MYO9B: variants seen among roughly 807,000 people sequenced by gnomAD.
MYO9B encodes the protein myosin IXB, also known as unconventional myosin-IXb.
Under a neutral mutation model 229.5 loss-of-function variants are expected in MYO9B, and 71 were observed. The observed-to-expected ratio is 0.31, with a 90% CI of 0.26 to 0.38. The LOEUF (loss-of-function observed/expected upper bound fraction) is 0.38. MYO9B is among the 10% of genes least tolerant of loss of function. The pLI is 1.00. For missense variants in MYO9B, 2,255 were observed against 2,920.5 expected (o/e 0.77, Z 5.25); for synonymous variants, 1,185 against 1,235.8 (o/e 0.96, Z 0.86).
Position 17,201,952 on chromosome 19 carries a change from G to A in MYO9B, c.4590G>A (p.Thr1530=), listed in dbSNP as rs747589829. 1.1e-5 allele frequency: 18 copies of A among 1,612,748 alleles called. No homozygotes were observed. In the African/African-American group the frequency reaches 1.2e-4, roughly 11 times the overall value. Reference sequence around the variant, plus strand: ...TAAATGACCTCCGTTCCCAGAAGACGCCCATTGAGAGCTTGTTTATCGAAG... The same window carrying A: ...TAAATGACCTCCGTTCCCAGAAGACACCCATTGAGAGCTTGTTTATCGAAG... ...NKINDLRSQK[T]PIESLFIEAT... is the part of the protein sequence containing the mutation. The change falls in exon 27 of 40, where the codon ACG becomes ACA. Residue 1530 remains threonine, a synonymous_variant. Transcript: ENST00000682292.
intron 18 of MYO9B, 39 bp from the exon 19 acceptor site, chr19:17,187,896 T>C: frequency 6.5e-7 from 1 of 1,536,530 alleles, no homozygotes; most frequent in Non-Finnish European, 8.8e-7. Flanking sequence ...TCCTGTCAGG[T>C]CAAGGCCACC....
chr19:17,098,417 C>T (rs960825972), intron 1 of MYO9B, among the ~76,000 whole-genome samples: 1 of 152,156 alleles, frequency 6.6e-6, no homozygotes, highest in South Asian at 2.1e-4. Context: ...AGGATAATCA[C>T]TCCTGCTGTG....
At position 17,172,251 on chromosome 19, in the gene MYO9B, T is replaced by G; in HGVS notation, c.1794-85T>G. Reference sequence around the variant, plus strand: ...CCACCCCATGCACCCACCCACCTCGTGCACCAGGGGTCTGCAAGATAAAAT... The same window carrying G: ...CCACCCCATGCACCCACCCACCTCGGGCACCAGGGGTCTGCAAGATAAAAT... On this transcript the variant is annotated intron_variant, in intron 11 of 39. Transcript: ENST00000682292. This position sits in a 1 kb window ranked among gnomAD's most constrained non-coding sequence, Gnocchi z 8.2. 2 of 1,533,736 alleles carry G rather than the reference T, an allele frequency of 1.3e-6. No homozygotes were observed. The highest frequency in any genetic ancestry group is 4.6e-5 in the East Asian group (2 of 43,296).
chr19:17,165,735 G>A (rs77739920), intron 10 of MYO9B, among the ~76,000 whole-genome samples: 3,998 of 152,076 alleles, frequency 0.026, 186 homozygotes, highest in African/African-American at 0.092. Flanking sequence ...TGATCGCACC[G>A]CTGCACTCCA....
intron 1 of MYO9B, among the ~76,000 whole-genome samples, chr19:17,083,026 C>CTTTTT (rs71334657): frequency 6.2e-4 from 56 of 90,892 alleles, no homozygotes; most frequent in African/African-American, 6.6e-4. Context: ...GTGAATCTTG[C>CTTTTT]TTTTTTTTTT....
chr19:17,111,382 AAT>A (rs779933738), intron 2 of MYO9B, among the ~76,000 whole-genome samples: 11 of 152,244 alleles, frequency 7.2e-5, no homozygotes, highest in Non-Finnish European at 1.3e-4. Flanking sequence ...CTTATTTATA[AAT>A]AGATACCTTA....
In MYO9B at chr19:17,156,932, T is replaced by C; in HGVS notation, c.1223T>C (p.Ile408Thr). The C allele has an allele frequency of 6.2e-7, 1 of 1,613,800 alleles. No homozygotes were observed. Among genetic ancestry groups the C allele is most frequent in the Non-Finnish European group, 8.5e-7 (1 of 1,179,840 alleles). ...AGGATTTTTGCCGTCCTCTCGGCCATCCTGTACCTGGGCAACGTCACTTAT... is the reference window on the plus strand; with the variant it reads ...AGGATTTTTGCCGTCCTCTCGGCCACCCTGTACCTGGGCAACGTCACTTAT... ...KKQIFAVLSA[I>T]LYLGNVTYKK... is the part of the protein sequence containing the mutation. Residue 408 changes from isoleucine to threonine, a missense_variant, in exon 7 of 40, where the codon ATC (isoleucine) becomes ACC (threonine). Physicochemically the swap from Ile to Thr is moderately conservative, Grantham distance 89. This residue lies in a region of MYO9B where 220 missense variants were observed against 404.5 expected (regional missense o/e 0.54). Transcript: ENST00000682292.
intron 14 of MYO9B, among the ~76,000 whole-genome samples, chr19:17,178,861 C>T (rs186417285): frequency 4.6e-5 from 7 of 151,978 alleles, no homozygotes; most frequent in African/African-American, 1.7e-4. Flanking sequence ...TGGTGAAACC[C>T]TGTGTCTACT....
chr19:17,096,288 C>T (rs2057687706), intron 1 of MYO9B, among the ~76,000 whole-genome samples: 2 of 152,270 alleles, frequency 1.3e-5, no homozygotes, highest in South Asian at 4.1e-4. Flanking sequence ...CTTCATTTCT[C>T]CTGAGTAACT....
chr19:17,113,706 G>T (rs1040028509), intron 2 of MYO9B, among the ~76,000 whole-genome samples: 1 of 152,138 alleles, frequency 6.6e-6, no homozygotes, highest in African/African-American at 2.4e-5. Context: ...CCTCTCCTGT[G>T]TGGCCTCCCC....
intron 1 of MYO9B, among the ~76,000 whole-genome samples, chr19:17,081,953 G>A (rs1169684035): frequency 6.6e-6 from 1 of 152,042 alleles, no homozygotes; most frequent in African/African-American, 2.4e-5. Flanking sequence ...TACAAACAGG[G>A]CATGGGGCGG....
At position 17,172,683 on chromosome 19, in the gene MYO9B, G is replaced by A; in HGVS notation, c.1936-76G>A. 6.4e-7 allele frequency: 1 copy of A among 1,562,110 alleles called. No homozygotes were observed. Among genetic ancestry groups the A allele is most frequent in the Non-Finnish European group, 8.8e-7 (1 of 1,136,848 alleles). On this transcript the variant is annotated intron_variant, in intron 12 of 39. Coordinates refer to ENST00000682292, the MANE Select transcript of MYO9B (RefSeq NM_004145.4). This position sits in a 1 kb window ranked among gnomAD's most constrained non-coding sequence, Gnocchi z 8.2. ...CCCCACCCCACCGTCAGCCCTTCCT[G>A]CGCCAGCCCGGGGTCTTTGGTAGGC...
At chr19:17,163,227 G>C in intron 10 of MYO9B, 105 bp downstream of exon 10, 1 of 1,264,278 alleles carries the variant, frequency 7.9e-7, no homozygotes, top group East Asian at 2.6e-5. Flanking sequence ...GCGGCGGTAA[G>C]TACATTCACA....
At chr19:17,087,097 G>A (rs796681201) in intron 1 of MYO9B, among the ~76,000 whole-genome samples, 17 of 152,278 alleles carry the variant, frequency 1.1e-4, no homozygotes, top group Middle Eastern at 3.4e-3. Context: ...AGCCTGGCCC[G>A]GGGTGAGCAC....
At chr19:17,175,478 C>T (rs1302504233) in intron 13 of MYO9B, among the ~76,000 whole-genome samples, 185 bp from the exon 14 acceptor site, 1 of 151,902 alleles carries the variant, frequency 6.6e-6, no homozygotes. Flanking sequence ...ACTCAGGAGG[C>T]GGAGGCAGGA....
intron 11 of MYO9B, 140 bp downstream of exon 11, chr19:17,168,204 A>T: frequency 3.3e-6 from 4 of 1,223,518 alleles, no homozygotes; most frequent in South Asian, 1.5e-5. Flanking sequence ...TCACTCTGTC[A>T]CCCAGGCTGG....
intron 2 of MYO9B, among the ~76,000 whole-genome samples, chr19:17,118,255 G>A (rs2057925890): frequency 6.6e-6 from 1 of 151,836 alleles, no homozygotes; most frequent in Non-Finnish European, 1.5e-5. Flanking sequence ...TTGAAAATCT[G>A]GTCTGGCGCT....
chr19:17,076,570 CT>C (rs1221443482), intron 1 of MYO9B, among the ~76,000 whole-genome samples: 1 of 152,046 alleles, frequency 6.6e-6, no homozygotes, highest in Non-Finnish European at 1.5e-5. Context: ...GATGCAGCCC[CT>C]GGAGATTCCG....
chr19:17,175,558 G>A, intron 13 of MYO9B, 105 bp from the exon 14 acceptor site: 1 of 889,160 alleles, frequency 1.1e-6, no homozygotes, highest in Non-Finnish European at 1.7e-6. Flanking sequence ...CAGCCTGGGT[G>A]ACAGAGCAAG....
Sources: gnomAD v4.1 joint callset for allele counts (sites outside exome capture counted in the v4.1 genomes callset) on GRCh38, gnomAD v4.1.1 for gene constraint, gnomAD v4.1.1 regional missense constraint, Gnocchi (gnomAD v3.1) non-coding constraint, MANE v1.5 for transcripts, NCBI Gene and HGNC (gene_info 2026-07-23, HGNC 2026-07-21) for gene names.